RPAP2: variants seen among roughly 807,000 people sequenced by gnomAD.
RPAP2 encodes the protein RNA polymerase II associated protein 2, also known as putative RNA polymerase II subunit B1 CTD phosphatase RPAP2.
Under a neutral mutation model 73.1 loss-of-function variants are expected in RPAP2, and 52 were observed. That is an observed-to-expected ratio of 0.71 (90% CI 0.57 to 0.90). The LOEUF is 0.90. RPAP2 is among the 40% of genes least tolerant of loss of function. The pLI is 0.00. For synonymous variants in RPAP2, 225 were observed against 242.1 expected, an observed-to-expected ratio of 0.93 and a Z score of 0.65; for missense variants, 598 against 701.8, an observed-to-expected ratio of 0.85 and a Z score of 1.67.
At position 92,395,772 on chromosome 1, in the gene RPAP2, A is replaced by G. The variant is rs1656170099; in HGVS notation, c.*8761A>G. On this transcript the variant is annotated 3_prime_UTR_variant, in exon 13 of 13. Transcript: ENST00000610020. ...TTCTTAAAACTCAAAAATAAGGCAG[A>G]CAACTTAAAAATGGACAAAATGTTT... 1 of 152,242 alleles carries G rather than the reference A, an allele frequency of 6.6e-6. No individual in the cohort carries two copies. Among genetic ancestry groups the G allele is most frequent in the Admixed American group, 6.5e-5 (1 of 15,276 alleles). The allele number at this position is 152,242 out of a possible 1,614,324, so 9.4% of individuals were successfully genotyped here. A position where few individuals can be genotyped will look rare whatever the true frequency, so the allele number is the denominator to read the frequency against.
intron 5 of RPAP2, among the ~76,000 whole-genome samples, chr1:92,305,336 G>C (rs1651133317): frequency 6.6e-6 from 1 of 150,640 alleles, no homozygotes; most frequent in East Asian, 2.0e-4. Context: ...GGGAGGCTGA[G>C]GCAGGAGAAT....
intron 12 of RPAP2, 70 bp downstream of exon 12, chr1:92,380,943 T>A (rs74865831): frequency 5.1e-5 from 67 of 1,314,278 alleles, no homozygotes; most frequent in Admixed American, 8.3e-5. Context: ...TTTTTTTTTT[T>A]AATTGGAAAT....
chr1:92,380,626 T>G (rs891937115), intron 11 of RPAP2, 98 bp from the exon 12 acceptor site: 3 of 794,040 alleles, frequency 3.8e-6, no homozygotes, highest in African/African-American at 3.6e-5. Context: ...AAAGAGACTT[T>G]ATTATTCTCA....
chr1:92,337,237 GCAGT>G (rs1016024426), intron 10 of RPAP2, among the ~76,000 whole-genome samples: 10 of 152,192 alleles, frequency 6.6e-5, no homozygotes, highest in African/African-American at 2.4e-4. Context: ...GTCAACAATA[GCAGT>G]CAGATTTTAG....
At chr1:92,323,406 T>G in intron 7 of RPAP2, 39 bp from the exon 8 acceptor site, 1 of 1,400,868 alleles carries the variant, frequency 7.1e-7, no homozygotes, top group Non-Finnish European at 9.7e-7. Flanking sequence ...TTATTTGCTA[T>G]TTTTTATTTA....
intron 8 of RPAP2, among the ~76,000 whole-genome samples, chr1:92,327,678 A>C (rs1210470337): frequency 6.6e-6 from 1 of 150,740 alleles, no homozygotes; most frequent in Non-Finnish European, 1.5e-5. Context: ...GATGTGAGGT[A>C]CTATTCTATT....
intron 12 of RPAP2, 132 bp downstream of exon 12, chr1:92,381,005 C>T: frequency 1.5e-6 from 1 of 666,812 alleles, no homozygotes; most frequent in Non-Finnish European, 2.4e-6. Context: ...TAAGGAAGGA[C>T]ATGATATCCC....
rs1020986740 is a variant in RPAP2, at chr1:92,391,758, T to C, written c.*4747T>C. 1.3e-5 allele frequency: 2 copies of C among 152,144 alleles called. No individual in the cohort carries two copies. The highest frequency in any genetic ancestry group is 2.4e-5 in the African/African-American group (1 of 41,434). The allele number at this position is 152,144 out of a possible 1,614,324, so 9.4% of individuals were successfully genotyped here. A position where few individuals can be genotyped will look rare whatever the true frequency, so the allele number is the denominator to read the frequency against. On this transcript the variant is annotated 3_prime_UTR_variant, in exon 13 of 13. Transcript: ENST00000610020. Reference sequence around the variant, plus strand: ...CATCAGCGAATACTATAAACACCTCTACACAAATAAACTAGAAAATCTAGA... The same window carrying C: ...CATCAGCGAATACTATAAACACCTCCACACAAATAAACTAGAAAATCTAGA...
In RPAP2 at chr1:92,299,087, C is replaced by G. The variant is rs2101085542; in HGVS notation, c.14C>G (p.Ala5Gly). The part of the protein sequence containing the change: MADF[A>G]GPSSAGRKAG... ...CTACTCTCCCCCATGGCGGACTTCG[C>G]TGGGCCGTCTTCTGCCGGCCGCAAG... Residue 5 changes from alanine (A) to glycine (G), a missense_variant, in exon 1 of 13, where the codon GCT (alanine) becomes GGT (glycine). By Grantham distance (60) the Ala-to-Gly change is moderately conservative. Around this residue, in one of 3 missense-constraint regions of RPAP2, gnomAD observed 77 missense variants for 55.7 expected, o/e 1.38. Coordinates refer to ENST00000610020, the MANE Select transcript of RPAP2 (RefSeq NM_024813.3). 1 of 1,516,728 alleles carries G rather than the reference C, an allele frequency of 6.6e-7. No individual in the cohort carries two copies. The highest frequency in any genetic ancestry group is 2.6e-5 in the East Asian group (1 of 38,886). The allele number at this position is 1,516,728 out of a possible 1,614,324, so 94.0% of individuals were successfully genotyped here. A position where few individuals can be genotyped will look rare whatever the true frequency, so the allele number is the denominator to read the frequency against.
At chr1:92,377,662 C>T (rs1353039807) in intron 11 of RPAP2, among the ~76,000 whole-genome samples, 4 of 151,862 alleles carry the variant, frequency 2.6e-5, no homozygotes, top group African/African-American at 9.7e-5. Context: ...TTTGATAATT[C>T]TCAAAGCAGG....
chr1:92,362,306 A>G (rs1400986958), intron 11 of RPAP2, among the ~76,000 whole-genome samples: 1 of 152,168 alleles, frequency 6.6e-6, no homozygotes, highest in Non-Finnish European at 1.5e-5. Context: ...TCTCATTCTG[A>G]TAATTCCAGT....
intron 6 of RPAP2, among the ~76,000 whole-genome samples, chr1:92,313,748 A>G (rs1426752861): frequency 1.3e-5 from 2 of 152,188 alleles, no homozygotes; most frequent in African/African-American, 2.4e-5. Flanking sequence ...TCTTCCTCCA[A>G]TATAAGGCTG....
intron 6 of RPAP2, among the ~76,000 whole-genome samples, chr1:92,308,301 C>T (rs1193804726): frequency 1.3e-5 from 2 of 152,172 alleles, no homozygotes; most frequent in African/African-American, 4.8e-5. Context: ...CATCATTTCA[C>T]CACCAGTCTG....
At chr1:92,325,756 T>G (rs1393515552) in intron 8 of RPAP2, among the ~76,000 whole-genome samples, 1 of 152,108 alleles carries the variant, frequency 6.6e-6, no homozygotes, top group East Asian at 1.9e-4. Flanking sequence ...CTTTCCAAAA[T>G]TAATATTATA....
chr1:92,299,090 G>A lies in RPAP2; in HGVS notation c.17G>A (p.Gly6Glu). 2.0e-6 allele frequency: 3 copies of A among 1,518,378 alleles called. No homozygotes were observed. The highest frequency in any genetic ancestry group is 1.4e-5 in the African/African-American group (1 of 71,328). 94.1% of individuals were successfully genotyped at this position (1,518,378 alleles called of 1,614,324 possible). A position where few individuals can be genotyped will look rare whatever the true frequency, so the allele number is the denominator to read the frequency against. ...CTCTCCCCCATGGCGGACTTCGCTG[G>A]GCCGTCTTCTGCCGGCCGCAAGGCC... MADFAGPSSAGRKAGA... is the reference protein window; with the variant it reads MADFAEPSSAGRKAGA... Residue 6 changes from glycine (G) to glutamate (E), a missense_variant, in exon 1 of 13, where the codon GGG becomes GAG. Physicochemically the swap from Gly to Glu is moderately conservative, Grantham distance 98. This residue lies in a region of RPAP2 where 77 missense variants were observed against 55.7 expected (regional missense o/e 1.38). Transcript: ENST00000610020.
chr1:92,382,811 G>C (rs1655702120), intron 12 of RPAP2, among the ~76,000 whole-genome samples: 1 of 152,186 alleles, frequency 6.6e-6, no homozygotes, highest in African/African-American at 2.4e-5. Flanking sequence ...TGTTGCCATT[G>C]CTTTTGGTGT....
intron 11 of RPAP2, among the ~76,000 whole-genome samples, chr1:92,379,247 A>C (rs1311807857): frequency 1.3e-5 from 2 of 152,220 alleles, no homozygotes; most frequent in Non-Finnish European, 2.9e-5. Context: ...ATTTTTATTA[A>C]ATATGCCCAG....
chr1:92,304,117 T>G, intron 4 of RPAP2, 42 bp downstream of exon 4: 11 of 1,419,770 alleles, frequency 7.7e-6, no homozygotes, highest in Non-Finnish European at 9.8e-6. Flanking sequence ...TTTTATTATT[T>G]TCATTTAGCA....
rs536571872 is a variant in RPAP2 at position 92,305,268 on chromosome 1, T to TA, written c.399+924dup. Among the ~76,000 whole-genome samples the TA allele has an allele frequency of 9.9e-4, 149 of 150,622 alleles. 1 individual carries two copies. Among genetic ancestry groups the TA allele is most frequent in the Non-Finnish European group, 1.6e-3 (110 of 67,680 alleles). ...TAACACAGTGAAATCCCATCTCTAC[T>TA]AAAAATACAAAAAAATTAGCCAAAC... On this transcript the variant is annotated intron_variant, in intron 5 of 12. Coordinates refer to ENST00000610020, the MANE Select transcript of RPAP2 (RefSeq NM_024813.3).
Sources: gnomAD v4.1 joint callset for allele counts (sites outside exome capture counted in the v4.1 genomes callset) on GRCh38, gnomAD v4.1.1 for gene constraint, gnomAD v4.1.1 regional missense constraint, MANE v1.5 for transcripts, NCBI Gene and HGNC (gene_info 2026-07-23, HGNC 2026-07-21) for gene names.